Variants in PXDNL observed in about 807,000 individuals in gnomAD.
PXDNL encodes peroxidasin like, also known as probable oxidoreductase PXDNL.
Under a neutral mutation model 150.8 loss-of-function variants are expected in PXDNL, and 145 were observed. That is an observed-to-expected ratio of 0.96 (90% confidence interval 0.84 to 1.10). The LOEUF (loss-of-function observed/expected upper bound fraction) is 1.10, where lower values mean the gene tolerates loss of function less well. Among genes scored for constraint, PXDNL ranks in the 50% least tolerant of loss-of-function variants. The pLI, the probability that PXDNL is intolerant of heterozygous loss-of-function variation, is 0.00. For missense variants in PXDNL, 2,087 were observed against 1,873.9 expected, an observed-to-expected ratio of 1.11 and a Z score of -2.10; for synonymous variants, 757 against 725.7, an observed-to-expected ratio of 1.04 and a Z score of -0.69.
chr8:51,711,143 T>TTTTA (rs111418471), intron 1 of PXDNL, among the ~76,000 whole-genome samples: 1,583 of 152,192 alleles, frequency 0.01, 24 homozygotes, highest in African/African-American at 0.032. Context: ...GAAATTATCT[T>TTTTA]TTTTATTTTA....
In PXDNL at chr8:51,449,001, C is replaced by T; in HGVS notation, c.1366+1G>A. On this transcript the variant is annotated splice_donor_variant, in intron 11 of 22. Coordinates refer to ENST00000356297, the MANE Select transcript of PXDNL (RefSeq NM_144651.5). LOFTEE classifies it high-confidence loss of function. Reference sequence around the variant, plus strand: ...ACAATTACCTGCAGATGTTCTAATACCTGTTTTTGTCCAGACAATAACAGG... The same window carrying T: ...ACAATTACCTGCAGATGTTCTAATATCTGTTTTTGTCCAGACAATAACAGG... The T allele has an allele frequency of 6.7e-7, 1 of 1,484,658 alleles. No individual in the cohort carries two copies. Among genetic ancestry groups the T allele is most frequent in the Non-Finnish European group, 9.2e-7 (1 of 1,085,916 alleles). The allele number at this position is 1,484,658 out of a possible 1,614,324, so 92.0% of individuals were successfully genotyped here. A position where few individuals can be genotyped will look rare whatever the true frequency, so the allele number is the denominator to read the frequency against.
In PXDNL at chr8:51,744,059, AAGGAAGGAAGGAAGGAAGGAAGGAAG is replaced by A. The variant is rs2036939925; in HGVS notation, c.164+65096_164+65121del. ...GAAGGAAGGAAGGAAGGAAGGAAGGAAGGAAGGAAGGAAGGAAGGAAGGAAGGAAGGAAGGAAAGAAAGAAAGAAAG... is the reference window on the plus strand; with the variant it reads ...GAAGGAAGGAAGGAAGGAAGGAAGGAGAAGGAAGGAAAGAAAGAAAGAAAG... On this transcript the variant is annotated intron_variant, in intron 1 of 22. Transcript: ENST00000356297. 1.9e-3 allele frequency among the ~76,000 whole-genome samples: 134 copies of A among 71,180 alleles called. 3 individuals carry two copies. The highest frequency in any genetic ancestry group is 2.5e-3 in the Non-Finnish European group (80 of 31,762). 46.7% of individuals were successfully genotyped at this position (71,180 alleles called of 152,430 possible). A position where few individuals can be genotyped will look rare whatever the true frequency, so the allele number is the denominator to read the frequency against.
At chr8:51,368,298 C>A (rs2130773274) in intron 19 of PXDNL, among the ~76,000 whole-genome samples, 1 of 152,278 alleles carries the variant, frequency 6.6e-6, no homozygotes, top group African/African-American at 2.4e-5. Context: ...ATCCCAGCTC[C>A]ATTATTTAGA....
intron 1 of PXDNL, among the ~76,000 whole-genome samples, chr8:51,713,207 A>G (rs373468775): frequency 5.3e-5 from 8 of 152,246 alleles, no homozygotes; most frequent in East Asian, 1.9e-4. Flanking sequence ...AGTATTTATA[A>G]TATCAGCTTG....
chr8:51,448,716 C>CAAACAAACAAACAAACAAACA (rs1809738048), intron 11 of PXDNL, among the ~76,000 whole-genome samples: 1 of 151,636 alleles, frequency 6.6e-6, no homozygotes, highest in Non-Finnish European at 1.5e-5. Flanking sequence ...AACAAACAAA[C>CAAACAAACAAACAAACAAACA]AAACAAACAA....
In PXDNL at chr8:51,339,684, G is replaced by T; in HGVS notation, c.4086C>A (p.Ser1362=). The T allele has an allele frequency of 1.2e-6, 2 of 1,613,464 alleles. No individual in the cohort carries two copies. The highest frequency in any genetic ancestry group is 1.1e-5 in the South Asian group (1 of 91,034). Residue 1362 remains serine (S), a synonymous_variant, in exon 21 of 23, where the codon TCC becomes TCA. Coordinates refer to ENST00000356297, the MANE Select transcript of PXDNL (RefSeq NM_144651.5). The stretch of plus-strand genomic sequence containing the variant: ...CCGCTGCAAACGTGCTGAAATCTTG[G>T]GAGAACTTTGTTTTTGCCAGAACTG... ...NVTVLAKTKF[S]QDFSTFAAEI...
intron 2 of PXDNL, among the ~76,000 whole-genome samples, chr8:51,603,589 ATT>A (rs1416511277): frequency 6.6e-6 from 1 of 151,766 alleles, no homozygotes; most frequent in Non-Finnish European, 1.5e-5. Context: ...ATATTTCCTT[ATT>A]GTTTTTAACC....
At chr8:51,473,398 G>T (rs1810394356) in intron 7 of PXDNL, among the ~76,000 whole-genome samples, 1 of 152,070 alleles carries the variant, frequency 6.6e-6, no homozygotes, top group Admixed American at 6.6e-5. Flanking sequence ...ATTCAGTATG[G>T]AGGGATAGGT....
At chr8:51,413,313 T>G in intron 14 of PXDNL, 55 bp from the exon 15 acceptor site, 3 of 1,028,152 alleles carry the variant, frequency 2.9e-6, no homozygotes, top group Non-Finnish European at 4.5e-6. Context: ...AAGTTAGGCA[T>G]GATATTATAT....
chr8:51,348,420 G>T (rs1470829446), intron 19 of PXDNL, among the ~76,000 whole-genome samples: 2 of 152,124 alleles, frequency 1.3e-5, no homozygotes, highest in Non-Finnish European at 2.9e-5. Context: ...GACATGGCAG[G>T]TTTCTTGTAA....
At chr8:51,610,107 A>G (rs1264982910) in intron 2 of PXDNL, among the ~76,000 whole-genome samples, 2 of 152,186 alleles carry the variant, frequency 1.3e-5, no homozygotes, top group Admixed American at 6.5e-5. Flanking sequence ...AAAGTCAAAG[A>G]AAAGAGAGCA....
rs1263812907 is a variant in PXDNL at position 51,408,994 on chromosome 8, G to A, written c.2630C>T (p.Thr877Met). Reference protein sequence around the residue: ...PACASGRPSATVDSVYAREQI... With the variant: ...PACASGRPSAMVDSVYAREQI... ...CTCTCGTGCATAGACTGAATCCACC[G>A]TCGCAGAGGGACGGCCGCTGGCACA... Residue 877 changes from threonine to methionine, a missense_variant, in exon 17 of 23, where the codon ACG becomes ATG. Physicochemically the swap from Thr to Met is moderately conservative, Grantham distance 81 (BLOSUM62 -1). Transcript: ENST00000356297. The A allele has an allele frequency of 3.7e-6, 6 of 1,611,468 alleles. No homozygotes were observed. In the African/African-American group the frequency reaches 4.0e-5, roughly 11 times the overall value.
Position 51,630,509 on chromosome 8 carries a change from C to T in PXDNL, c.236+24180G>A, listed in dbSNP as rs529341850. Among the ~76,000 whole-genome samples the T allele has an allele frequency of 1.3e-4, 19 of 151,730 alleles. No individual in the cohort carries two copies. The South Asian group carries it at 3.5e-3, about 28-fold the overall frequency. ...CAGAGTAAACAGACAGCCTACAAAA[C>T]GGGAGAAAATATTTGCAAACTATGC... On this transcript the variant is annotated intron_variant, in intron 2 of 22. Coordinates refer to ENST00000356297, the MANE Select transcript of PXDNL (RefSeq NM_144651.5).
At position 51,423,577 on chromosome 8, in the gene PXDNL, G is replaced by A. The variant is rs200870550; in HGVS notation, c.1793C>T (p.Thr598Met). Residue 598 changes from threonine to methionine, a missense_variant and splice_region_variant, in exon 14 of 23, where the codon ACG becomes ATG. Physicochemically the swap from Thr to Met is moderately conservative, Grantham distance 81. Coordinates refer to ENST00000356297, the MANE Select transcript of PXDNL (RefSeq NM_144651.5). The stretch of plus-strand genomic sequence containing the variant: ...TAAATGGAGCTATAGACACCTACCC[G>A]TGACTGTAAGAAACATGTTGGTCAC... ...LAVTNMFLTV[T>M]AIQGRQAGDD... 1.3e-4 allele frequency: 208 copies of A among 1,613,316 alleles called. 1 individual carries two copies. The Middle Eastern group carries it at 1.5e-3, about 12-fold the overall frequency.
intron 2 of PXDNL, among the ~76,000 whole-genome samples, chr8:51,619,977 G>A (rs1400493650): frequency 6.6e-6 from 1 of 151,996 alleles, no homozygotes; most frequent in Non-Finnish European, 1.5e-5. Flanking sequence ...ATCTCAAAAA[G>A]CTTTGATTAA....
intron 1 of PXDNL, among the ~76,000 whole-genome samples, chr8:51,665,895 G>A (rs1815375552): frequency 1.3e-5 from 2 of 152,164 alleles, no homozygotes; most frequent in South Asian, 4.1e-4. Flanking sequence ...CAGAGACAGT[G>A]TATTCTGCAA....
intron 5 of PXDNL, among the ~76,000 whole-genome samples, chr8:51,486,776 A>T (rs1585514815): frequency 3.2e-4 from 3 of 9,314 alleles, no homozygotes; most frequent in East Asian, 3.5e-3. Flanking sequence ...ATATATATAT[A>T]TATATATATA....
intron 17 of PXDNL, among the ~76,000 whole-genome samples, chr8:51,378,405 T>C (rs909697211): frequency 2.0e-5 from 3 of 152,168 alleles, no homozygotes; most frequent in Non-Finnish European, 2.9e-5. Context: ...CTTGGAGAAC[T>C]TTTGTGCCTA....
At chr8:51,549,810 G>A (rs538547073) in intron 4 of PXDNL, among the ~76,000 whole-genome samples, 2 of 152,074 alleles carry the variant, frequency 1.3e-5, no homozygotes, top group African/African-American at 4.8e-5. Flanking sequence ...AAAACCAGCA[G>A]AAGAAAAGAA....
Sources: gnomAD v4.1 joint callset for allele counts (sites outside exome capture counted in the v4.1 genomes callset) on GRCh38, gnomAD v4.1.1 for gene constraint, MANE v1.5 for transcripts, NCBI Gene and HGNC (gene_info 2026-07-23, HGNC 2026-07-21) for gene names.